The following MYO16 variants were observed in gnomAD, a reference collection of about 807,000 sequenced individuals.
MYO16 encodes unconventional myosin-XVI.
In MYO16, 94 loss-of-function variants were observed where a neutral mutation model predicts 205.3. The observed-to-expected ratio is 0.46, with a 90% CI of 0.39 to 0.54. MYO16 has a LOEUF of 0.54. Among genes scored for constraint, MYO16 ranks in the 20% least tolerant of loss-of-function variants. MYO16 has a pLI of 0.00. For synonymous variants in MYO16, 988 were observed against 954.0 expected, an observed-to-expected ratio of 1.04 and a Z score of -0.66; for missense variants, 2,315 against 2,387.5, an observed-to-expected ratio of 0.97 and a Z score of 0.63.
At chr13:108,829,621 C>A (rs924819805) in intron 9 of MYO16, among the ~76,000 whole-genome samples, 3 of 152,082 alleles carry the variant, frequency 2.0e-5, no homozygotes, top group African/African-American at 4.8e-5. Flanking sequence ...TGCCACTTTC[C>A]TAGGGATGAG....
chr13:108,617,154 C>T (rs1424816182), intron 1 of MYO16, among the ~76,000 whole-genome samples: 1 of 152,036 alleles, frequency 6.6e-6, no homozygotes, highest in African/African-American at 2.4e-5. Context: ...TTTCCTAGAG[C>T]AGTGATTCTC....
chr13:108,923,815 C>A (rs538820350), intron 16 of MYO16, among the ~76,000 whole-genome samples: 2 of 152,296 alleles, frequency 1.3e-5, no homozygotes, highest in Admixed American at 6.5e-5. Context: ...TCATAGTAAA[C>A]CTCATCAACA....
chr13:108,794,644 G>A (rs1886728143), intron 6 of MYO16, among the ~76,000 whole-genome samples: 3 of 152,108 alleles, frequency 2.0e-5, no homozygotes, highest in South Asian at 4.1e-4. Context: ...GGATTAATTT[G>A]TATATATTTG....
At chr13:108,847,429 G>A (rs1192344329) in intron 10 of MYO16, among the ~76,000 whole-genome samples, 2 of 152,140 alleles carry the variant, frequency 1.3e-5, no homozygotes, top group Non-Finnish European at 2.9e-5. Flanking sequence ...TAGCTGTATG[G>A]TTCTCTCCAG....
chr13:109,013,424 A>G (rs1001449125), intron 22 of MYO16, among the ~76,000 whole-genome samples: 1 of 152,206 alleles, frequency 6.6e-6, no homozygotes, highest in Non-Finnish European at 1.5e-5. Context: ...CACAATAAAC[A>G]TACGTGTGCA....
chr13:109,119,320 A>G (rs80226908), intron 28 of MYO16, among the ~76,000 whole-genome samples: 17,773 of 152,250 alleles, frequency 0.12, 1,296 homozygotes, highest in Middle Eastern at 0.19. Flanking sequence ...GAGAGCACAC[A>G]TGTTAGACTT....
intron 4 of MYO16, among the ~76,000 whole-genome samples, chr13:108,775,982 G>T (rs565441509): frequency 6.6e-6 from 1 of 152,220 alleles, no homozygotes; most frequent in African/African-American, 2.4e-5. Flanking sequence ...AGTCTCAAAG[G>T]GGCGGGTTTT....
At chr13:108,857,857 T>A (rs1878262627) in intron 11 of MYO16, among the ~76,000 whole-genome samples, 1 of 152,222 alleles carries the variant, frequency 6.6e-6, no homozygotes, top group Non-Finnish European at 1.5e-5. Flanking sequence ...AGTTTCTCTC[T>A]CTTTCTTGAT....
chr13:109,058,479 T>C (rs1887484041), intron 27 of MYO16, among the ~76,000 whole-genome samples: 1 of 152,192 alleles, frequency 6.6e-6, no homozygotes, highest in African/African-American at 2.4e-5. Context: ...AAGTTTTTGG[T>C]TTCCCGCTGC....
At chr13:108,703,098 A>G (rs1197746212) in intron 2 of MYO16, among the ~76,000 whole-genome samples, 1 of 149,906 alleles carries the variant, frequency 6.7e-6, no homozygotes, top group Non-Finnish European at 1.5e-5. Context: ...AATTGCATTA[A>G]TATAAATGGA....
chr13:108,772,036 T>C (rs1885981514), intron 4 of MYO16, among the ~76,000 whole-genome samples: 1 of 152,214 alleles, frequency 6.6e-6, no homozygotes, highest in African/African-American at 2.4e-5. Context: ...CTGGGTCATG[T>C]AGTAAGAGTA....
At chr13:109,020,765 C>A (rs1201085545) in intron 23 of MYO16, among the ~76,000 whole-genome samples, 1 of 152,110 alleles carries the variant, frequency 6.6e-6, no homozygotes, top group Non-Finnish European at 1.5e-5. Context: ...GTACAGATGG[C>A]GTGCTAGAGG....
intron 32 of MYO16, among the ~76,000 whole-genome samples, chr13:109,149,717 G>T (rs905906552): frequency 6.6e-6 from 1 of 152,046 alleles, no homozygotes; most frequent in Admixed American, 6.6e-5. Context: ...TGTGCCCCCT[G>T]CCTTCTCCTC....
intron 32 of MYO16, among the ~76,000 whole-genome samples, chr13:109,160,219 G>A (rs1878311544): frequency 6.6e-6 from 1 of 152,162 alleles, no homozygotes. Flanking sequence ...CAAGAGCCAT[G>A]ATTTAAAACA....
intron 28 of MYO16, among the ~76,000 whole-genome samples, chr13:109,118,388 C>G (rs1333366418): frequency 1.3e-5 from 2 of 152,172 alleles, no homozygotes; most frequent in East Asian, 3.8e-4. Flanking sequence ...AGATCATACT[C>G]ATTTTGTCCA....
At chr13:108,714,290 C>T (rs987084944) in intron 3 of MYO16, among the ~76,000 whole-genome samples, 1 of 152,122 alleles carries the variant, frequency 6.6e-6, no homozygotes, top group Non-Finnish European at 1.5e-5. Context: ...CTCCTGACCT[C>T]GTGATCCACC....
At chr13:109,023,907 ATAT>A (rs1886261413) in intron 23 of MYO16, among the ~76,000 whole-genome samples, 1 of 139,334 alleles carries the variant, frequency 7.2e-6, no homozygotes, top group South Asian at 2.2e-4. Flanking sequence ...ATCAATACAT[ATAT>A]AAGTATAAAA....
chr13:109,103,040 C>G (rs1158941724), intron 28 of MYO16, among the ~76,000 whole-genome samples: 1 of 152,060 alleles, frequency 6.6e-6, no homozygotes, highest in Non-Finnish European at 1.5e-5. Context: ...CACGATGTAA[C>G]CTATGATATA....
In MYO16 at chr13:109,140,839, G is replaced by T; in HGVS notation, c.4627G>T (p.Val1543Phe). 6.3e-7 allele frequency: 1 copy of T among 1,596,704 alleles called. No individual in the cohort carries two copies. The highest frequency in any genetic ancestry group is 8.5e-7 in the Non-Finnish European group (1 of 1,173,278). The change falls in exon 32 of 35, where the codon GTC becomes TTC. Residue 1543 changes from valine to phenylalanine, a missense_variant. Val to Phe is a conservative substitution (Grantham distance 50). Transcript: ENST00000457511. The surrounding 1 kb of genome is among the most constrained non-coding windows in gnomAD (Gnocchi z 8.0). ...LTPLEVKKLP[V>F]LETNLKYPVQ... is the part of the protein sequence containing the mutation. The stretch of plus-strand genomic sequence containing the variant: ...ACCCCTGGAGGTGAAGAAGCTGCCA[G>T]TCCTGGAGACCAACCTCAAGTACCC...
Sources: gnomAD v4.1 joint callset for allele counts (sites outside exome capture counted in the v4.1 genomes callset) on GRCh38, gnomAD v4.1.1 for gene constraint, Gnocchi (gnomAD v3.1) non-coding constraint, MANE v1.5 for transcripts, NCBI Gene and HGNC (gene_info 2026-07-23, HGNC 2026-07-21) for gene names.